Variants in CLNK observed in about 807,000 individuals in gnomAD.
CLNK encodes the protein cytokine dependent hematopoietic cell linker.
CLNK carries 74 observed loss-of-function variants against 68.6 expected under a neutral mutation model. That is an observed-to-expected ratio of 1.08 (90% CI 0.89 to 1.31). CLNK has a LOEUF of 1.31. Among genes scored for constraint, CLNK ranks in the 50% most tolerant of loss-of-function variants. CLNK has a pLI of 0.00. For missense variants in CLNK, 553 were observed against 515.3 expected, an observed-to-expected ratio of 1.07 and a Z score of -0.71; for synonymous variants, 198 against 172.2, an observed-to-expected ratio of 1.15 and a Z score of -1.17.
intron 2 of CLNK, among the ~76,000 whole-genome samples, chr4:10,636,113 T>C (rs978264878): frequency 2.0e-5 from 3 of 152,246 alleles, no homozygotes; most frequent in Middle Eastern, 3.4e-3. Context: ...ACTGTCAAGA[T>C]TGAGTGGTGT....
intron 5 of CLNK, among the ~76,000 whole-genome samples, chr4:10,569,885 G>T (rs1720272377): frequency 6.6e-6 from 1 of 152,134 alleles, no homozygotes; most frequent in Non-Finnish European, 1.5e-5. Flanking sequence ...CTCTACTTTG[G>T]TATCTATTCC....
chr4:10,689,745 A>ATTTTTTTTTTTTTTTTTTTTTTTT (rs71651341), upstream of CLNK, among the ~76,000 whole-genome samples: 1 of 100,094 alleles, frequency 1.0e-5, no homozygotes, highest in Non-Finnish European at 2.0e-5. Context: ...AAACCCATGC[A>ATTTTTTTTTTTTTTTTTTTTTTTT]TTTTTTTTTT....
chr4:10,710,379 A>G, the CLNK span, among the ~76,000 whole-genome samples: 1 of 152,188 alleles, frequency 6.6e-6, no homozygotes, highest in African/African-American at 2.4e-5. Context: ...ATAAAAGGAA[A>G]AAAAGTGGAC....
the CLNK span, among the ~76,000 whole-genome samples, chr4:10,721,635 C>T: frequency 6.6e-5 from 10 of 152,256 alleles, no homozygotes; most frequent in East Asian, 1.7e-3. Flanking sequence ...TATTTTCATA[C>T]ATTCATTCAT....
intron 15 of CLNK, among the ~76,000 whole-genome samples, chr4:10,515,651 G>A (rs1051451733): frequency 6.6e-6 from 1 of 152,168 alleles, no homozygotes; most frequent in African/African-American, 2.4e-5. Context: ...CTTTGCAAGT[G>A]CAAACTGGAA....
intron 2 of CLNK, among the ~76,000 whole-genome samples, chr4:10,653,650 A>G (rs1723843745): frequency 2.0e-5 from 3 of 152,344 alleles, no homozygotes; most frequent in African/African-American, 4.8e-5. Flanking sequence ...CAATGAAATA[A>G]CAAACTCATA....
intron 2 of CLNK, among the ~76,000 whole-genome samples, chr4:10,638,943 T>G (rs989006905): frequency 3.3e-5 from 5 of 152,226 alleles, no homozygotes; most frequent in Non-Finnish European, 7.3e-5. Flanking sequence ...AGAGGCCAAC[T>G]TAATGGTCTC....
chr4:10,558,567 C>T (rs1719767378), intron 7 of CLNK, 115 bp from the exon 8 acceptor site: 9 of 917,156 alleles, frequency 9.8e-6, no homozygotes, highest in Non-Finnish European at 1.6e-5. Context: ...TCCCTGGGCT[C>T]TCTGGTTTTC....
intron 2 of CLNK, among the ~76,000 whole-genome samples, chr4:10,661,101 A>G (rs1724175187): frequency 6.6e-6 from 1 of 152,210 alleles, no homozygotes; most frequent in South Asian, 2.1e-4. Context: ...AGTGGGATTT[A>G]CACTTATTTA....
chr4:10,546,491 A>G (rs1232241409), intron 8 of CLNK, among the ~76,000 whole-genome samples: 1 of 152,174 alleles, frequency 6.6e-6, no homozygotes, highest in Non-Finnish European at 1.5e-5. Context: ...TTCTACCTCA[A>G]ACCTCATCAG....
rs1333407246 is a variant in CLNK at position 10,488,481 on chromosome 4, A to G, written c.*1986T>C. 6.6e-6 allele frequency: 1 copy of G among 152,216 alleles called. No individual in the cohort carries two copies. The highest frequency in any genetic ancestry group is 2.4e-5 in the African/African-American group (1 of 41,450). The allele number at this position is 152,216 out of a possible 1,614,324, so 9.4% of individuals were successfully genotyped here. ...TACTGTCCCTGGCTTGTTGAATTCC[A>G]GTAGAGAATGACCAGCAACCATACA... On this transcript the variant is annotated 3_prime_UTR_variant, in exon 19 of 19. Coordinates refer to ENST00000226951, the MANE Select transcript of CLNK (RefSeq NM_052964.4).
In CLNK at chr4:10,592,889, C is replaced by A. The variant is rs180966550; in HGVS notation, c.83+5089G>T. On this transcript the variant is annotated intron_variant, in intron 3 of 18. Transcript: ENST00000226951. ...TACAGGCACCCACTACCATGCCTGG[C>A]TAATTTTTGTATTTTTTAGTAGAGA... Among the ~76,000 whole-genome samples the A allele has an allele frequency of 1.1e-4, 17 of 151,656 alleles. No homozygotes were observed. In the East Asian group the frequency reaches 2.9e-3, roughly 26 times the overall value.
intron 8 of CLNK, among the ~76,000 whole-genome samples, chr4:10,553,253 A>G (rs1199884582): frequency 1.3e-5 from 2 of 152,210 alleles, no homozygotes; most frequent in South Asian, 2.1e-4. Context: ...TGTTCTAAGG[A>G]GCATGGGCCA....
At chr4:10,694,480 A>T in the CLNK span, among the ~76,000 whole-genome samples, 2 of 152,084 alleles carry the variant, frequency 1.3e-5, no homozygotes, top group Admixed American at 6.6e-5. Flanking sequence ...TACCTTTTTC[A>T]TGTTGGATAA....
chr4:10,521,036 C>T (rs1173766582), intron 14 of CLNK, among the ~76,000 whole-genome samples: 4 of 152,146 alleles, frequency 2.6e-5, no homozygotes, highest in Admixed American at 6.5e-5. Flanking sequence ...CTATATTAGA[C>T]GTGGAACAAA....
Position 10,489,401 on chromosome 4 carries a change from C to T in CLNK, c.*1066G>A, listed in dbSNP as rs1478233210. 2.6e-5 allele frequency: 4 copies of T among 152,150 alleles called. No individual in the cohort carries two copies. The highest frequency in any genetic ancestry group is 5.9e-5 in the Non-Finnish European group (4 of 68,042). 9.4% of individuals were successfully genotyped at this position (152,150 alleles called of 1,614,324 possible). A position where few individuals can be genotyped will look rare whatever the true frequency, so the allele number is the denominator to read the frequency against. On this transcript the variant is annotated 3_prime_UTR_variant, in exon 19 of 19. Coordinates refer to ENST00000226951, the MANE Select transcript of CLNK (RefSeq NM_052964.4). The stretch of plus-strand genomic sequence containing the variant: ...ATTGTTAATACAATTTTTAGTTTCC[C>T]TCAGACATATGCTTGCCTGAAGGCT...
At chr4:10,540,406 G>T in intron 11 of CLNK, 88 bp downstream of exon 11, 1 of 956,394 alleles carries the variant, frequency 1.0e-6, no homozygotes, top group South Asian at 1.4e-5. Context: ...AGCCTGCTCT[G>T]AAAGGTACTT....
chr4:10,680,366 GT>G (rs1725050142), intron 1 of CLNK, among the ~76,000 whole-genome samples: 1 of 127,444 alleles, frequency 7.8e-6, no homozygotes, highest in Non-Finnish European at 1.6e-5. Context: ...GGGGCCTGTG[GT>G]GGGTTGGGGG....
At chr4:10,559,957 A>G (rs1221399019) in intron 7 of CLNK, among the ~76,000 whole-genome samples, 1 of 152,130 alleles carries the variant, frequency 6.6e-6, no homozygotes, top group Admixed American at 6.5e-5. Context: ...TACCTACTAG[A>G]TGTCAGTAGA....
Sources: gnomAD v4.1 joint callset for allele counts (sites outside exome capture counted in the v4.1 genomes callset) on GRCh38, gnomAD v4.1.1 for gene constraint, MANE v1.5 for transcripts, NCBI Gene and HGNC (gene_info 2026-07-23, HGNC 2026-07-21) for gene names.